The following PIP variants were observed in gnomAD, a reference collection of about 807,000 sequenced individuals.
PIP encodes the protein prolactin-inducible protein.
In PIP, 9 loss-of-function variants were observed where a neutral mutation model predicts 12.8. The ratio of observed to expected loss-of-function variants is 0.70; its 90% CI spans 0.42 to 1.23. PIP has a LOEUF of 1.23. Ranked by LOEUF, PIP falls within the 50% of genes most tolerant of loss-of-function variation. The probability of loss-of-function intolerance (pLI) is 0.00; values close to 1 mark genes in which losing one functional copy is unlikely to be tolerated. For missense variants in PIP, 172 were observed against 179.5 expected (o/e 0.96, Z 0.24); for synonymous variants, 60 against 66.1 (o/e 0.91, Z 0.45).
At chr7:143,135,642 G>A (rs1340037815) in intron 2 of PIP, among the ~76,000 whole-genome samples, 1 of 152,062 alleles carries the variant, frequency 6.6e-6, no homozygotes, top group Non-Finnish European at 1.5e-5. Context: ...GATGGAGGGA[G>A]GGGAGTTCTC....
Position 143,139,728 on chromosome 7 carries a change from T to G in PIP, c.*86T>G. 1 of 1,303,188 alleles carries G rather than the reference T, an allele frequency of 7.7e-7. No homozygotes were observed. The highest frequency in any genetic ancestry group is 1.1e-6 in the Non-Finnish European group (1 of 922,802). The allele number at this position is 1,303,188 out of a possible 1,614,324, so 80.7% of individuals were successfully genotyped here. ...TTCTGCTGTGGTCTATAAAATAAAC[T>G]TCTTAACATGCTTCTCCATGTTCTG... On this transcript the variant is annotated 3_prime_UTR_variant, in exon 4 of 4. Coordinates refer to ENST00000291009, the MANE Select transcript of PIP (RefSeq NM_002652.3).
chr7:143,138,978 C>A (rs73725088), intron 2 of PIP, 97 bp from the exon 3 acceptor site: 8 of 726,414 alleles, frequency 1.1e-5, no homozygotes, highest in Non-Finnish European at 1.8e-5. Flanking sequence ...CCTCCACCCC[C>A]ACTCTTCTCC....
chr7:143,138,155 C>G (rs972764477), intron 2 of PIP, among the ~76,000 whole-genome samples: 2 of 152,076 alleles, frequency 1.3e-5, no homozygotes, highest in Admixed American at 1.3e-4. Context: ...TACATTCAGG[C>G]TGTATTTCGG....
chr7:143,139,502 T>A lies in PIP; in HGVS notation c.317-16T>A, dbSNP rs780656615. Reference sequence around the variant, plus strand: ...CGGGGTGTCTGAGAGATGATCTCCGTCCCTGTCTTTTTCAGGAACTGTGCA... The same window carrying A: ...CGGGGTGTCTGAGAGATGATCTCCGACCCTGTCTTTTTCAGGAACTGTGCA... On this transcript the variant is annotated splice_polypyrimidine_tract_variant and intron_variant, in intron 3 of 3. Transcript: ENST00000291009. The A allele has an allele frequency of 6.2e-7, 1 of 1,612,988 alleles. No individual in the cohort carries two copies. The highest frequency in any genetic ancestry group is 1.1e-5 in the South Asian group (1 of 91,046).
In PIP at chr7:143,139,303, A is replaced by G. The variant is rs1054860314; in HGVS notation, c.316+114A>G. The G allele has an allele frequency of 4.7e-6, 4 of 846,090 alleles. No homozygotes were observed. In the Admixed American group the frequency reaches 5.5e-5, roughly 12 times the overall value. 52.4% of individuals were successfully genotyped at this position (846,090 alleles called of 1,614,324 possible). A position where few individuals can be genotyped will look rare whatever the true frequency, so the allele number is the denominator to read the frequency against. On this transcript the variant is annotated intron_variant, in intron 3 of 3. Transcript: ENST00000291009. Reference sequence around the variant, plus strand: ...AGGACCAGGACCTCAGGGCAGAAGGACAGAAGGGAGGGAGGGAAGAGCATG... The same window carrying G: ...AGGACCAGGACCTCAGGGCAGAAGGGCAGAAGGGAGGGAGGGAAGAGCATG...
At chr7:143,133,941 T>C (rs1008663137) in intron 1 of PIP, among the ~76,000 whole-genome samples, 1 of 151,396 alleles carries the variant, frequency 6.6e-6, no homozygotes, top group Admixed American at 6.6e-5. Flanking sequence ...CACTGCACCA[T>C]ATTTGTAGTC....
rs192230863 is a variant in PIP, at chr7:143,134,233, T to A, written c.96-961T>A. Among the ~76,000 whole-genome samples, 410 of 86,364 alleles carry A rather than the reference T, an allele frequency of 4.7e-3. 18 individuals carry two copies. Among genetic ancestry groups the A allele is most frequent in the African/African-American group, 0.017 (357 of 21,530 alleles). The allele number at this position is 86,364 out of a possible 152,430, so 56.7% of individuals were successfully genotyped here. A position where few individuals can be genotyped will look rare whatever the true frequency, so the allele number is the denominator to read the frequency against. On this transcript the variant is annotated intron_variant, in intron 1 of 3. Transcript: ENST00000291009. ...ATATATATATATATATATATATATA[T>A]ACCACAGTTTCTTTATCCACTCGTT... is the stretch of plus-strand genomic sequence containing the variant.
intron 2 of PIP, among the ~76,000 whole-genome samples, chr7:143,138,681 C>T (rs71545394): frequency 0.046 from 6,939 of 152,122 alleles, 291 homozygotes; most frequent in Non-Finnish European, 0.071. Context: ...GGCTCCTACA[C>T]GCAAGTGGCC....
At chr7:143,139,024 C>T in intron 2 of PIP, 51 bp from the exon 3 acceptor site, 1 of 941,714 alleles carries the variant, frequency 1.1e-6, no homozygotes, top group Non-Finnish European at 1.8e-6. Flanking sequence ...CCCTCCCTTA[C>T]CCATTCCCCA....
chr7:143,138,939 A>G, intron 2 of PIP, 136 bp from the exon 3 acceptor site: 1 of 642,120 alleles, frequency 1.6e-6, no homozygotes, highest in Non-Finnish European at 2.8e-6. Flanking sequence ...TGATACTACA[A>G]CAGTAGACTC....
chr7:143,134,355 C>A (rs1018672536), intron 1 of PIP, among the ~76,000 whole-genome samples: 4 of 150,648 alleles, frequency 2.7e-5, no homozygotes, highest in African/African-American at 7.3e-5. Flanking sequence ...ATAATGACTT[C>A]TTTTCCTCTG....
intron 2 of PIP, 55 bp from the exon 3 acceptor site, chr7:143,139,020 C>A: frequency 1.1e-6 from 1 of 930,350 alleles, no homozygotes; most frequent in Non-Finnish European, 1.8e-6. Context: ...TTTTCCCTCC[C>A]TTACCCATTC....
intron 2 of PIP, 61 bp from the exon 3 acceptor site, chr7:143,139,014 C>A: frequency 1.2e-6 from 1 of 867,394 alleles, no homozygotes; most frequent in Non-Finnish European, 2.0e-6. Flanking sequence ...TCCTATTTTT[C>A]CCTCCCTTAC....
At chr7:143,132,313 C>T in intron 1 of PIP, 102 bp downstream of exon 1, 1 of 1,371,976 alleles carries the variant, frequency 7.3e-7, no homozygotes, top group Non-Finnish European at 1.0e-6. Context: ...TTTCAACTTC[C>T]CAGAACTCTA....
chr7:143,134,688 C>A (rs761852728), intron 1 of PIP, among the ~76,000 whole-genome samples: 1 of 151,934 alleles, frequency 6.6e-6, no homozygotes, highest in Admixed American at 6.6e-5. Flanking sequence ...ACTCAGTAGA[C>A]AACCACCAGA....
Position 143,139,481 on chromosome 7 carries a change from G to T in PIP, c.317-37G>T, listed in dbSNP as rs778948537. On this transcript the variant is annotated intron_variant, in intron 3 of 3. Transcript: ENST00000291009. Reference sequence around the variant, plus strand: ...GTAGAAAAGACAGGACATGGCCGGGGTGTCTGAGAGATGATCTCCGTCCCT... The same window carrying T: ...GTAGAAAAGACAGGACATGGCCGGGTTGTCTGAGAGATGATCTCCGTCCCT... 1.8e-5 allele frequency: 29 copies of T among 1,609,330 alleles called. 1 individual carries two copies. The highest frequency in any genetic ancestry group is 3.3e-5 in the Admixed American group (2 of 59,940).
intron 1 of PIP, among the ~76,000 whole-genome samples, chr7:143,134,400 T>C (rs1799282319): frequency 6.6e-6 from 1 of 151,068 alleles, no homozygotes; most frequent in Admixed American, 6.6e-5. Flanking sequence ...CTGGATCAAA[T>C]GGTGGTTCTA....
At chr7:143,133,964 C>T (rs1018160068) in intron 1 of PIP, among the ~76,000 whole-genome samples, 1 of 151,278 alleles carries the variant, frequency 6.6e-6, no homozygotes, top group Non-Finnish European at 1.5e-5. Flanking sequence ...TTAGCCCTCA[C>T]CCCTCTCCCA....
rs963785605 is a variant in PIP at position 143,139,656 on chromosome 7, T to C, written c.*14T>C. The C allele has an allele frequency of 4.4e-6, 7 of 1,602,798 alleles. No individual in the cohort carries two copies. The highest frequency in any genetic ancestry group is 6.0e-6 in the Non-Finnish European group (7 of 1,170,816). Reference sequence around the variant, plus strand: ...AAGGTAGAATAATGGAAGCCCTGTCTGTTTGCCACACCCAGGTGATTTCCT... The same window carrying C: ...AAGGTAGAATAATGGAAGCCCTGTCCGTTTGCCACACCCAGGTGATTTCCT... On this transcript the variant is annotated 3_prime_UTR_variant, in exon 4 of 4. Coordinates refer to ENST00000291009, the MANE Select transcript of PIP (RefSeq NM_002652.3).
Sources: gnomAD v4.1 joint callset for allele counts (sites outside exome capture counted in the v4.1 genomes callset) on GRCh38, gnomAD v4.1.1 for gene constraint, MANE v1.5 for transcripts, NCBI Gene and HGNC (gene_info 2026-07-23, HGNC 2026-07-21) for gene names.